Variants in FMN1 observed in about 807,000 individuals in gnomAD.
The protein encoded by FMN1 is formin-1.
FMN1 carries 110 observed loss-of-function variants against 132.4 expected under a neutral mutation model. That is an observed-to-expected ratio of 0.83 (90% CI 0.71 to 0.97). FMN1 has a LOEUF of 0.97. Ranked by LOEUF, FMN1 falls within the 50% of genes least tolerant of loss-of-function variation. The pLI is 0.00. For missense variants in FMN1, 1,792 were observed against 1,705.3 expected (o/e 1.05, Z -0.90); for synonymous variants, 722 against 651.7 (o/e 1.11, Z -1.64).
intron 16 of FMN1, among the ~76,000 whole-genome samples, chr15:32,880,304 G>A (rs569273617): frequency 2.6e-5 from 4 of 151,700 alleles, no homozygotes; most frequent in African/African-American, 9.7e-5. Flanking sequence ...TTTTTTTTCT[G>A]ATTTAGTTTG....
chr15:32,981,326 C>T (rs1018272603), intron 7 of FMN1, among the ~76,000 whole-genome samples: 1 of 151,642 alleles, frequency 6.6e-6, no homozygotes, highest in African/African-American at 2.4e-5. Flanking sequence ...TGCGTCTCTA[C>T]TAAAAATACG....
At chr15:33,024,769 C>G (rs2035589139) in intron 6 of FMN1, among the ~76,000 whole-genome samples, 1 of 152,118 alleles carries the variant, frequency 6.6e-6, no homozygotes, top group Non-Finnish European at 1.5e-5. Flanking sequence ...TTAAAAAGAA[C>G]ACTATGGAAC....
At position 33,146,443 on chromosome 15, in the gene FMN1, A is replaced by C. The variant is rs57742225; in HGVS notation, c.1867+6605T>G. Among the ~76,000 whole-genome samples the C allele has an allele frequency of 4.7e-3, 715 of 152,272 alleles. 3 individuals carry two copies. The highest frequency in any genetic ancestry group is 0.017 in the African/African-American group (697 of 41,548). ...TCCAACATCGTTCCAGGACCCCTCA[A>C]ATCCGTCTGTATCCCATACATCTCT... is the stretch of plus-strand genomic sequence containing the variant. On this transcript the variant is annotated intron_variant, in intron 4 of 20. Transcript: ENST00000616417.
intron 4 of FMN1, among the ~76,000 whole-genome samples, chr15:33,103,275 C>T (rs1018673685): frequency 1.3e-5 from 2 of 152,072 alleles, no homozygotes; most frequent in Admixed American, 1.3e-4. Flanking sequence ...CAGCTCCAAC[C>T]TCTTACTAGC....
Position 33,007,956 on chromosome 15 carries a change from A to C in FMN1, c.2223+58T>G, listed in dbSNP as rs374452943. ...TTAAGAGGAATATTTACTTCAGCATAGGAGAAAACCAAGTATCAGTTCTAT... is the reference window on the plus strand; with the variant it reads ...TTAAGAGGAATATTTACTTCAGCATCGGAGAAAACCAAGTATCAGTTCTAT... On this transcript the variant is annotated intron_variant, in intron 7 of 20. Coordinates refer to ENST00000616417, the MANE Select transcript of FMN1 (RefSeq NM_001277313.2). The C allele has an allele frequency of 1.1e-3, 1,482 of 1,410,270 alleles. 2 individuals carry two copies. Among genetic ancestry groups the C allele is most frequent in the Non-Finnish European group, 1.4e-3 (1,436 of 1,018,872 alleles). 87.4% of individuals were successfully genotyped at this position (1,410,270 alleles called of 1,614,324 possible).
chr15:33,185,617 G>C (rs1308225976), intron 2 of FMN1, among the ~76,000 whole-genome samples: 1 of 135,236 alleles, frequency 7.4e-6, no homozygotes, highest in Non-Finnish European at 1.5e-5. Flanking sequence ...TTGTTGCCCA[G>C]GCTGGAGTGC....
intron 15 of FMN1, among the ~76,000 whole-genome samples, chr15:32,894,417 G>A (rs1420042669): frequency 6.6e-6 from 1 of 151,830 alleles, no homozygotes; most frequent in East Asian, 1.9e-4. Context: ...CTGGGTGGCG[G>A]AGGTTGCAGT....
chr15:32,982,740 C>T (rs530588411), intron 7 of FMN1, among the ~76,000 whole-genome samples: 2 of 152,226 alleles, frequency 1.3e-5, no homozygotes, highest in South Asian at 4.1e-4. Flanking sequence ...TGCCCAGTGG[C>T]CTTCGAACTG....
chr15:33,151,200 C>T, intron 4 of FMN1: 3 of 1,523,966 alleles, frequency 2.0e-6, no homozygotes, highest in Non-Finnish European at 2.6e-6. Context: ...GAGGTAATGG[C>T]TGGAGGCCCT....
chr15:32,836,581 A>G (rs1029093371), intron 17 of FMN1, among the ~76,000 whole-genome samples: 1 of 152,202 alleles, frequency 6.6e-6, no homozygotes. Flanking sequence ...CCTAAGCTGT[A>G]TATGTCTTAC....
chr15:32,814,737 G>A (rs552257249), intron 17 of FMN1, among the ~76,000 whole-genome samples: 18 of 152,218 alleles, frequency 1.2e-4, no homozygotes, highest in Admixed American at 2.6e-4. Context: ...CTAGTCTGAA[G>A]GTGTATAGTT....
At chr15:32,867,748 C>T (rs2059426271) in intron 16 of FMN1, among the ~76,000 whole-genome samples, 1 of 152,206 alleles carries the variant, frequency 6.6e-6, no homozygotes, top group South Asian at 2.1e-4. Flanking sequence ...GCCTCGGCCT[C>T]CCAAAGTGCT....
At chr15:33,036,766 G>A (rs1390030037) in intron 6 of FMN1, among the ~76,000 whole-genome samples, 1 of 152,094 alleles carries the variant, frequency 6.6e-6, no homozygotes, top group Non-Finnish European at 1.5e-5. Context: ...ATTTCCAAGG[G>A]CTTGGCAGAT....
At chr15:33,101,724 A>G (rs1032369049) in intron 4 of FMN1, among the ~76,000 whole-genome samples, 1 of 152,140 alleles carries the variant, frequency 6.6e-6, no homozygotes, top group Non-Finnish European at 1.5e-5. Flanking sequence ...ATCCTATCCC[A>G]TCGGTCCTAT....
intron 5 of FMN1, among the ~76,000 whole-genome samples, chr15:33,080,760 G>A (rs2038421587): frequency 1.3e-5 from 2 of 152,126 alleles, no homozygotes; most frequent in Non-Finnish European, 2.9e-5. Flanking sequence ...GGTGGCGCAT[G>A]CCTGTAATCC....
rs79271216 is a variant in FMN1 at position 33,181,082 on chromosome 15, A to C, written c.-196-820T>G. On this transcript the variant is annotated intron_variant, in intron 2 of 20. Transcript: ENST00000616417. ...GCTCTTAAGGCAGATTTTAGCCCTTATCATGGCCTGAAAGGCTCCGTGTGG... is the reference window on the plus strand; with the variant it reads ...GCTCTTAAGGCAGATTTTAGCCCTTCTCATGGCCTGAAAGGCTCCGTGTGG... 5.8e-3 allele frequency among the ~76,000 whole-genome samples: 880 copies of C among 152,214 alleles called. 12 individuals are homozygous for C. Among genetic ancestry groups the C allele is most frequent in the African/African-American group, 0.019 (789 of 41,548 alleles).
In FMN1 at chr15:33,067,010, C is replaced by T. The variant is rs1391037414; in HGVS notation, c.2044-1936G>A. On this transcript the variant is annotated intron_variant, in intron 5 of 20. Transcript: ENST00000616417. The stretch of plus-strand genomic sequence containing the variant: ...TGGTTTAATTTCCGTGATGGTCTCT[C>T]CTCCCTCAGCGGTAGCCCCCTTCTT... 9 of 1,613,872 alleles carry T rather than the reference C, an allele frequency of 5.6e-6. No homozygotes were observed. Among genetic ancestry groups the T allele is most frequent in the African/African-American group, 1.3e-5 (1 of 74,912 alleles).
intron 3 of FMN1, among the ~76,000 whole-genome samples, chr15:33,177,513 G>A (rs1289125050): frequency 6.6e-6 from 1 of 152,080 alleles, no homozygotes; most frequent in Non-Finnish European, 1.5e-5. Context: ...CTGTAAAAAG[G>A]CCTTTTGTTC....
intron 10 of FMN1, among the ~76,000 whole-genome samples, chr15:32,925,233 T>C (rs8029078): frequency 0.025 from 3,796 of 152,274 alleles, 67 homozygotes; most frequent in Non-Finnish European, 0.034. Flanking sequence ...AAAGAAGAAA[T>C]GATGGAATTA....
Sources: gnomAD v4.1 joint callset for allele counts (sites outside exome capture counted in the v4.1 genomes callset) on GRCh38, gnomAD v4.1.1 for gene constraint, MANE v1.5 for transcripts, NCBI Gene and HGNC (gene_info 2026-07-23, HGNC 2026-07-21) for gene names.